Variants in ACACB observed in about 807,000 individuals in gnomAD.
ACACB encodes the protein acetyl-CoA carboxylase beta.
In ACACB, 209 loss-of-function variants were observed where a neutral mutation model predicts 278.8. The observed-to-expected ratio is 0.75, with a 90% CI of 0.67 to 0.84. The LOEUF is 0.84. Among genes scored for constraint, ACACB ranks in the 40% least tolerant of loss-of-function variants. The probability of loss-of-function intolerance (pLI) is 0.00; values close to 1 mark genes in which losing one functional copy is unlikely to be tolerated. For missense variants in ACACB, 2,850 were observed against 3,269.0 expected (o/e 0.87, Z 3.13); for synonymous variants, 1,174 against 1,285.6 (o/e 0.91, Z 1.86).
Position 109,180,064 on chromosome 12 carries a change from A to C in ACACB, c.1795A>C (p.Asn599His). 6.2e-7 allele frequency: 1 copy of C among 1,611,550 alleles called. No homozygotes were observed. The highest frequency in any genetic ancestry group is 8.5e-7 in the Non-Finnish European group (1 of 1,179,224). The change falls in exon 11 of 53, where the codon AAT (asparagine) becomes CAT (histidine). Residue 599 changes from asparagine (N) to histidine (H), a missense_variant. This residue lies in a region of ACACB where 2,265 missense variants were observed against 2,561.3 expected (regional missense o/e 0.88). Transcript: ENST00000338432. ...CTGCACAGAAATGATTGCTGATGTT[A>C]ATCTGCCGGCCGCCCAGCTACAGGT... ...HPCTEMIADV[N>H]LPAAQLQIAM...
At chr12:109,153,921 G>A (rs1208245916) in intron 2 of ACACB, among the ~76,000 whole-genome samples, 1 of 152,166 alleles carries the variant, frequency 6.6e-6, no homozygotes, top group Non-Finnish European at 1.5e-5. Flanking sequence ...GCCTCCCAAA[G>A]TGCTGGTATT....
intron 6 of ACACB, among the ~76,000 whole-genome samples, chr12:109,173,463 C>T (rs1424226650): frequency 6.6e-6 from 1 of 152,082 alleles, no homozygotes; most frequent in Admixed American, 6.5e-5. Flanking sequence ...AGTCCCATGC[C>T]CATTGACGTT....
rs61934288 is a variant in ACACB, at chr12:109,161,469, G to C, written c.654-5392G>C. 2.1e-3 allele frequency among the ~76,000 whole-genome samples: 325 copies of C among 152,224 alleles called. 1 individual carries two copies. The highest frequency in any genetic ancestry group is 3.3e-3 in the Non-Finnish European group (225 of 68,034). ...GAGGGAGGAAAATTGCTTGAACCTG[G>C]GAGGTGGAGGTTGCAGAGAGCCGAG... On this transcript the variant is annotated intron_variant, in intron 2 of 52. Transcript: ENST00000338432.
At chr12:109,233,889 G>T in intron 30 of ACACB, 42 bp downstream of exon 30, 1 of 1,613,078 alleles carries the variant, frequency 6.2e-7, no homozygotes, top group African/African-American at 1.3e-5. Flanking sequence ...GAGCAGGTGG[G>T]CCGTGGCCCC....
intron 28 of ACACB, among the ~76,000 whole-genome samples, chr12:109,227,957 C>T (rs921575118): frequency 2.0e-5 from 3 of 150,294 alleles, no homozygotes; most frequent in African/African-American, 4.9e-5. Context: ...CACTTGAACC[C>T]GGGAGGCAGA....
chr12:109,122,178 A>G (rs1456819928), intron 1 of ACACB, among the ~76,000 whole-genome samples: 1 of 152,196 alleles, frequency 6.6e-6, no homozygotes, highest in Non-Finnish European at 1.5e-5. Context: ...TGAAAAGGTG[A>G]AATTCAGTTT....
chr12:109,259,155 C>A (rs1044799151), intron 47 of ACACB, 47 bp downstream of exon 47: 1 of 1,602,528 alleles, frequency 6.2e-7, no homozygotes, highest in African/African-American at 1.3e-5. Context: ...GGGGTCAGCA[C>A]CCAGGACAGC....
At chr12:109,172,457 C>T (rs1015520572) in intron 6 of ACACB, 101 bp downstream of exon 6, 39 of 1,081,260 alleles carry the variant, frequency 3.6e-5, no homozygotes, top group Non-Finnish European at 2.2e-5. Flanking sequence ...AGCGGAGGTC[C>T]GTTTGATTTC....
intron 40 of ACACB, among the ~76,000 whole-genome samples, chr12:109,248,686 C>T (rs181433498): frequency 6.6e-6 from 1 of 152,288 alleles, no homozygotes; most frequent in Admixed American, 6.5e-5. Context: ...CTGGATGGTG[C>T]GCACCCACAT....
intron 41 of ACACB, among the ~76,000 whole-genome samples, chr12:109,250,339 G>A (rs1377172522): frequency 2.0e-5 from 3 of 151,948 alleles, no homozygotes; most frequent in African/African-American, 7.3e-5. Context: ...ATACGTAAGG[G>A]TAGATCTTTA....
At chr12:109,169,684 T>C (rs1161230412) in intron 4 of ACACB, among the ~76,000 whole-genome samples, 1 of 152,160 alleles carries the variant, frequency 6.6e-6, no homozygotes, top group East Asian at 1.9e-4. Flanking sequence ...AGCCTGTAGG[T>C]CTCAACATGA....
intron 1 of ACACB, among the ~76,000 whole-genome samples, chr12:109,133,863 A>ATATATATATAT (rs55881936): frequency 4.2e-5 from 3 of 70,646 alleles, no homozygotes; most frequent in African/African-American, 8.9e-5. Flanking sequence ...ATATATATAT[A>ATATATATATAT]TTTTTTTTTT....
upstream of ACACB, among the ~76,000 whole-genome samples, chr12:109,111,692 A>G (rs1482179070): frequency 6.6e-6 from 1 of 151,754 alleles, no homozygotes; most frequent in African/African-American, 2.4e-5. Context: ...AGTAGCTGGG[A>G]TTACGAGCAT....
chr12:109,229,714 G>T (rs115040870), intron 28 of ACACB, among the ~76,000 whole-genome samples: 1 of 151,964 alleles, frequency 6.6e-6, no homozygotes, highest in African/African-American at 2.4e-5. Flanking sequence ...TGTAATTTTA[G>T]TAGAGATGGG....
intron 19 of ACACB, among the ~76,000 whole-genome samples, chr12:109,206,443 A>AAAC (rs2045515679): frequency 6.6e-6 from 1 of 151,508 alleles, no homozygotes. Context: ...AAAAAAAAAA[A>AAAC]ACAGATCTCA....
In ACACB at chr12:109,241,212, C is replaced by CACCAATG; in HGVS notation, c.4955_4961dup (p.Glu1654AspfsTer3). 6.2e-7 allele frequency: 1 copy of CACCAATG among 1,614,252 alleles called. No homozygotes were observed. The highest frequency in any genetic ancestry group is 8.5e-7 in the Non-Finnish European group (1 of 1,180,050). ...GTGCCGTTCCCATCCGCCTGTTCAT[C>CACCAATG]ACCAATGAGTCGGGCTACTACCTGG... On this transcript the variant is annotated frameshift_variant, in exon 36 of 53. Transcript: ENST00000338432. LOFTEE classifies it high-confidence loss of function.
intron 19 of ACACB, among the ~76,000 whole-genome samples, chr12:109,202,226 TG>T (rs35432960): frequency 0.45 from 68,087 of 151,944 alleles, 16,413 homozygotes; most frequent in Middle Eastern, 0.66. Flanking sequence ...AGAACAGTTA[TG>T]TAAGTAGTGC....
In ACACB at chr12:109,196,337, A is replaced by T. The variant is rs183548488; in HGVS notation, c.2482-671A>T. Reference sequence around the variant, plus strand: ...AAATACCAAAGACTGAGTGGCTTCTAAACCACACACTGAATTTCTCACAAT... The same window carrying T: ...AAATACCAAAGACTGAGTGGCTTCTTAACCACACACTGAATTTCTCACAAT... On this transcript the variant is annotated intron_variant, in intron 16 of 52. Transcript: ENST00000338432. Among the ~76,000 whole-genome samples, 329 of 152,310 alleles carry T rather than the reference A, an allele frequency of 2.2e-3. 1 individual carries two copies. Among genetic ancestry groups the T allele is most frequent in the African/African-American group, 7.6e-3 (316 of 41,566 alleles).
At chr12:109,220,666 C>T (rs1286985220) in intron 24 of ACACB, among the ~76,000 whole-genome samples, 1 of 152,136 alleles carries the variant, frequency 6.6e-6, no homozygotes, top group East Asian at 1.9e-4. Flanking sequence ...ATTCTCCTGC[C>T]TCAGCCTCCC....
Sources: allele counts gnomAD v4.1 joint callset (sites outside exome capture counted in the v4.1 genomes callset), GRCh38; gene constraint gnomAD v4.1.1; regional missense constraint gnomAD v4.1.1; transcripts MANE v1.5; gene names NCBI Gene and HGNC (gene_info 2026-07-23, HGNC 2026-07-21).